The following MBD5 variants were observed in gnomAD, a reference collection of about 807,000 sequenced individuals.
MBD5 encodes the protein methyl-CpG binding domain protein 5, also known as methyl-CpG-binding domain protein 5.
MBD5 carries 13 observed loss-of-function variants against 117.3 expected under a neutral mutation model. That is an observed-to-expected ratio of 0.11 (90% CI 0.07 to 0.18). The LOEUF (loss-of-function observed/expected upper bound fraction) is 0.18. Among genes scored for constraint, MBD5 ranks in the 10% least tolerant of loss-of-function variants. MBD5 has a pLI of 1.00. For missense variants in MBD5, 1,879 were observed against 2,093.8 expected (o/e 0.90, Z 2.00); for synonymous variants, 727 against 766.4 (o/e 0.95, Z 0.85).
chr2:148,373,227 G>A (rs1380117905), intron 4 of MBD5, among the ~76,000 whole-genome samples: 1 of 152,090 alleles, frequency 6.6e-6, no homozygotes. Context: ...AGAACAGAGG[G>A]AAGGGATATC....
chr2:148,032,152 T>C (rs1245013140), intron 1 of MBD5, among the ~76,000 whole-genome samples: 6 of 152,308 alleles, frequency 3.9e-5, no homozygotes, highest in Admixed American at 3.9e-4. Flanking sequence ...TTATCTCTTT[T>C]TCACAAAGGG....
At chr2:148,250,608 C>G (rs1700442946) in intron 3 of MBD5, among the ~76,000 whole-genome samples, 1 of 152,126 alleles carries the variant, frequency 6.6e-6, no homozygotes, top group East Asian at 1.9e-4. Flanking sequence ...AAAAACTTCA[C>G]CAGATAGTAA....
chr2:148,036,654 C>G (rs967509689), intron 1 of MBD5, among the ~76,000 whole-genome samples: 1 of 151,978 alleles, frequency 6.6e-6, no homozygotes, highest in Non-Finnish European at 1.5e-5. Context: ...ATAGTCAGTA[C>G]TCTAGTACTA....
intron 1 of MBD5, among the ~76,000 whole-genome samples, chr2:148,031,721 T>C (rs574194598): frequency 5.9e-5 from 9 of 152,194 alleles, no homozygotes; most frequent in East Asian, 5.8e-4. Context: ...AGAGAGTCCA[T>C]TGGAGTCTGA....
At chr2:148,184,589 T>G (rs1289896659) in intron 2 of MBD5, among the ~76,000 whole-genome samples, 3 of 152,234 alleles carry the variant, frequency 2.0e-5, no homozygotes, top group Non-Finnish European at 4.4e-5. Flanking sequence ...AGTATGTTTA[T>G]TAGGCTTATT....
intron 4 of MBD5, among the ~76,000 whole-genome samples, chr2:148,441,652 C>G (rs1401630198): frequency 6.6e-6 from 1 of 152,124 alleles, no homozygotes; most frequent in African/African-American, 2.4e-5. Flanking sequence ...AATGGTATTT[C>G]TAGTTCTAGA....
intron 3 of MBD5, among the ~76,000 whole-genome samples, chr2:148,284,587 T>A (rs542473832): frequency 1.2e-4 from 19 of 152,202 alleles, no homozygotes; most frequent in Non-Finnish European, 2.4e-4. Context: ...TGGGGGCTGG[T>A]CCCTATCTCA....
At chr2:148,476,454 G>T (rs1270164338) in intron 8 of MBD5, among the ~76,000 whole-genome samples, 1 of 151,766 alleles carries the variant, frequency 6.6e-6, no homozygotes, top group Non-Finnish European at 1.5e-5. Context: ...ATTCTATTTG[G>T]TATTTTTTAA....
chr2:148,135,957 A>C (rs1444529639), intron 1 of MBD5, among the ~76,000 whole-genome samples: 5 of 152,064 alleles, frequency 3.3e-5, no homozygotes, highest in African/African-American at 1.2e-4. Context: ...CAGCACCTCC[A>C]ATCTCCAGCA....
intron 7 of MBD5, 98 bp downstream of exon 7, chr2:148,464,017 G>A (rs1240306964): frequency 1.6e-6 from 2 of 1,224,570 alleles, no homozygotes; most frequent in South Asian, 1.4e-5. Context: ...TACTTTTCAG[G>A]CACGCACAAT....
At chr2:148,420,893 A>C (rs1705581728) in intron 4 of MBD5, among the ~76,000 whole-genome samples, 1 of 151,674 alleles carries the variant, frequency 6.6e-6, no homozygotes, top group Admixed American at 6.6e-5. Flanking sequence ...CACCCAGCTA[A>C]CGTTTTTGTA....
At chr2:148,117,659 A>G (rs536380934) in intron 1 of MBD5, among the ~76,000 whole-genome samples, 2 of 152,330 alleles carry the variant, frequency 1.3e-5, no homozygotes, top group East Asian at 3.9e-4. Context: ...GCCTGTGTAT[A>G]TAAGAGAACA....
At chr2:148,109,503 G>A (rs1303596266) in intron 1 of MBD5, among the ~76,000 whole-genome samples, 2 of 152,058 alleles carry the variant, frequency 1.3e-5, no homozygotes, top group Admixed American at 6.5e-5. Context: ...TGAAGGATAG[G>A]TATGCCATGG....
intron 4 of MBD5, among the ~76,000 whole-genome samples, chr2:148,420,302 G>T (rs1705561089): frequency 6.6e-6 from 1 of 151,806 alleles, no homozygotes. Flanking sequence ...CTTTATTATG[G>T]CTTAGAGTCT....
At chr2:148,060,912 AT>A (rs967584640) in intron 1 of MBD5, among the ~76,000 whole-genome samples, 19 of 152,182 alleles carry the variant, frequency 1.2e-4, no homozygotes, top group African/African-American at 4.1e-4. Context: ...TTCCAGTAAG[AT>A]TGTTAAAAAG....
rs940102755 is a variant in MBD5, at chr2:148,050,932, A to T, written c.-925+29248A>T. 2.6e-5 allele frequency among the ~76,000 whole-genome samples: 4 copies of T among 152,184 alleles called. No homozygotes were observed. The South Asian group carries it at 6.2e-4, about 24-fold the overall frequency. On this transcript the variant is annotated intron_variant, in intron 1 of 13. Transcript: ENST00000642680. The stretch of plus-strand genomic sequence containing the variant: ...ATATTTTCATATGAATTTTAAAATC[A>T]GCTTGTCCCTTTCTGAAAATGAAAA...
At chr2:148,278,674 T>G (rs1481144972) in intron 3 of MBD5, among the ~76,000 whole-genome samples, 1 of 152,174 alleles carries the variant, frequency 6.6e-6, no homozygotes, top group Non-Finnish European at 1.5e-5. Flanking sequence ...GTAGGATATA[T>G]CTAGAGGTAT....
intron 1 of MBD5, among the ~76,000 whole-genome samples, chr2:148,077,965 G>T (rs928307075): frequency 6.6e-6 from 1 of 152,076 alleles, no homozygotes; most frequent in African/African-American, 2.4e-5. Context: ...ATCTACTTAA[G>T]GTGTAAGGGG....
intron 1 of MBD5, among the ~76,000 whole-genome samples, chr2:148,091,175 A>C (rs933781443): frequency 6.6e-6 from 1 of 152,172 alleles, no homozygotes; most frequent in African/African-American, 2.4e-5. Context: ...AAACAATGGA[A>C]ACACATCCCA....
Sources: gnomAD v4.1 joint callset for allele counts (sites outside exome capture counted in the v4.1 genomes callset) on GRCh38, gnomAD v4.1.1 for gene constraint, MANE v1.5 for transcripts, NCBI Gene and HGNC (gene_info 2026-07-23, HGNC 2026-07-21) for gene names.